CMSS1: variants seen among roughly 807,000 people sequenced by gnomAD.
CMSS1 encodes cms1 ribosomal small subunit homolog, also known as protein CMSS1.
A neutral mutation model predicts 43.5 loss-of-function variants in CMSS1; 33 were observed. The observed-to-expected ratio is 0.76, with a 90% CI of 0.57 to 1.01. CMSS1 has a LOEUF of 1.01. CMSS1 is among the 50% of genes least tolerant of loss of function. CMSS1 has a pLI of 0.00. For synonymous variants in CMSS1, 115 were observed against 117.2 expected (o/e 0.98, Z 0.12); for missense variants, 313 against 326.4 (o/e 0.96, Z 0.32).
chr3:99,956,477 C>G (rs1004241110), intron 1 of CMSS1, among the ~76,000 whole-genome samples: 1 of 152,162 alleles, frequency 6.6e-6, no homozygotes, highest in Non-Finnish European at 1.5e-5. Flanking sequence ...CTCAGCCTCC[C>G]TAGTAGCTGG....
chr3:100,123,478 G>A (rs2066638037), intron 1 of CMSS1, among the ~76,000 whole-genome samples: 2 of 152,150 alleles, frequency 1.3e-5, no homozygotes, highest in Admixed American at 1.3e-4. Flanking sequence ...CTGCTGCGAT[G>A]TTTTAACCTG....
chr3:99,996,083 G>A (rs536927079), intron 1 of CMSS1, among the ~76,000 whole-genome samples: 1 of 152,292 alleles, frequency 6.6e-6, no homozygotes, highest in African/African-American at 2.4e-5. Flanking sequence ...TTGTTAGGCT[G>A]CAAATTTTCC....
intron 1 of CMSS1, among the ~76,000 whole-genome samples, chr3:100,129,262 A>C (rs947556830): frequency 6.6e-6 from 1 of 152,214 alleles, no homozygotes; most frequent in Non-Finnish European, 1.5e-5. Context: ...CCTAGTACAT[A>C]GTAGGTGCCC....
intron 1 of CMSS1, among the ~76,000 whole-genome samples, chr3:100,066,848 A>G (rs535805854): frequency 6.6e-6 from 1 of 151,912 alleles, no homozygotes; most frequent in East Asian, 1.9e-4. Flanking sequence ...GACCAGACCA[A>G]CTCCTGAAAT....
intron 1 of CMSS1, among the ~76,000 whole-genome samples, chr3:100,121,439 CAT>C (rs1203487028): frequency 1.3e-5 from 2 of 152,222 alleles, no homozygotes; most frequent in Admixed American, 6.5e-5. Flanking sequence ...TTTATGGCTG[CAT>C]AGTATTCCAT....
chr3:100,127,308 G>A (rs899659078), intron 1 of CMSS1, among the ~76,000 whole-genome samples: 16 of 152,110 alleles, frequency 1.1e-4, no homozygotes, highest in African/African-American at 3.9e-4. Context: ...CCAGTAGAAG[G>A]CACTTCCCTC....
chr3:100,093,176 A>G (rs1362603698), intron 1 of CMSS1, among the ~76,000 whole-genome samples: 3 of 152,116 alleles, frequency 2.0e-5, no homozygotes, highest in Non-Finnish European at 4.4e-5. Flanking sequence ...TCAAAATCAA[A>G]ACAGGGACCT....
At chr3:100,012,299 T>C (rs1047898183) in intron 1 of CMSS1, among the ~76,000 whole-genome samples, 1 of 152,186 alleles carries the variant, frequency 6.6e-6, no homozygotes. Flanking sequence ...CTGCCAAATA[T>C]GAGATGTATA....
chr3:99,993,735 A>G (rs987919153), intron 1 of CMSS1, among the ~76,000 whole-genome samples: 11 of 152,080 alleles, frequency 7.2e-5, no homozygotes, highest in African/African-American at 2.7e-4. Flanking sequence ...TTGAGATAAT[A>G]CAGTTTTTGT....
intron 1 of CMSS1, among the ~76,000 whole-genome samples, chr3:100,086,259 A>G (rs2066006648): frequency 6.6e-6 from 1 of 152,216 alleles, no homozygotes; most frequent in Admixed American, 6.5e-5. Flanking sequence ...TTAGAAAACA[A>G]CTAGAAGTCA....
rs1306689666 is a variant in CMSS1, at chr3:99,958,224, T to TATTATG, written c.64+140186_64+140187insGATTAT. Reference sequence around the variant, plus strand: ...CATGCATTATTATTATTATTATTATTATTATTATTATTATTATTATTATTA... The same window carrying TATTATG: ...CATGCATTATTATTATTATTATTATTATTATGATTATTATTATTATTATTATTATTA... On this transcript the variant is annotated intron_variant, in intron 1 of 9. Coordinates refer to ENST00000421999, the MANE Select transcript of CMSS1 (RefSeq NM_032359.4). 2.0e-3 allele frequency among the ~76,000 whole-genome samples: 290 copies of TATTATG among 146,538 alleles called. 8 individuals are homozygous for TATTATG. The highest frequency in any genetic ancestry group is 2.9e-4 in the Non-Finnish European group (19 of 66,664).
At chr3:99,848,208 G>A (rs964509741) in intron 1 of CMSS1, 154 of 1,569,354 alleles carry the variant, frequency 9.8e-5, no homozygotes, top group Non-Finnish European at 1.2e-4. Flanking sequence ...GATATGGAGG[G>A]ATGATTAAAA....
chr3:100,150,443 T>C (rs1423420725), intron 2 of CMSS1, among the ~76,000 whole-genome samples: 1 of 152,252 alleles, frequency 6.6e-6, no homozygotes, highest in Non-Finnish European at 1.5e-5. Flanking sequence ...GTACAGGAAC[T>C]ACTTGGCATG....
chr3:100,041,075 T>TA (rs933519296), intron 1 of CMSS1: 4 of 152,332 alleles, frequency 2.6e-5, no homozygotes, highest in African/African-American at 9.6e-5. Context: ...ACATTTTCCT[T>TA]AGACAGTTGG....
intron 1 of CMSS1, among the ~76,000 whole-genome samples, chr3:100,075,387 G>T (rs1444670392): frequency 6.6e-6 from 1 of 152,176 alleles, no homozygotes; most frequent in Admixed American, 6.5e-5. Flanking sequence ...AAGGGCTTAT[G>T]ATAACGAGCA....
chr3:100,164,807 C>T (rs2067053171), intron 4 of CMSS1, among the ~76,000 whole-genome samples: 1 of 152,018 alleles, frequency 6.6e-6, no homozygotes, highest in Admixed American at 6.6e-5. Context: ...ACATACTGTT[C>T]CTATTTAGTT....
At chr3:99,960,157 C>T (rs1166424330) in intron 1 of CMSS1, among the ~76,000 whole-genome samples, 1 of 152,110 alleles carries the variant, frequency 6.6e-6, no homozygotes, top group East Asian at 1.9e-4. Context: ...TGCCAAGTAC[C>T]GGAGAGAAGT....
chr3:100,016,907 A>G (rs1199182966), intron 1 of CMSS1, among the ~76,000 whole-genome samples: 1 of 152,230 alleles, frequency 6.6e-6, no homozygotes, highest in African/African-American at 2.4e-5. Context: ...CAAAATATCA[A>G]TCAGAATATT....
At position 99,878,834 on chromosome 3, in the gene CMSS1, T is replaced by C. The variant is rs546286069; in HGVS notation, c.64+60791T>C. On this transcript the variant is annotated intron_variant, in intron 1 of 9. Transcript: ENST00000421999. ...AACCAGCTGTTGGCATTGTGCGCCA[T>C]TGGCCACATAAGTAGATGAGTAGAC... Among the ~76,000 whole-genome samples, 286 of 152,356 alleles carry C rather than the reference T, an allele frequency of 1.9e-3. 1 individual carries two copies. The highest frequency in any genetic ancestry group is 6.6e-3 in the African/African-American group (275 of 41,584).
Sources: gnomAD v4.1 joint callset for allele counts (sites outside exome capture counted in the v4.1 genomes callset) on GRCh38, gnomAD v4.1.1 for gene constraint, MANE v1.5 for transcripts, NCBI Gene and HGNC (gene_info 2026-07-23, HGNC 2026-07-21) for gene names.